NMNAT2: variants seen among roughly 807,000 people sequenced by gnomAD.
NMNAT2 encodes the protein nicotinamide nucleotide adenylyltransferase 2.
A neutral mutation model predicts 41.6 loss-of-function variants in NMNAT2; 11 were observed. The ratio of observed to expected loss-of-function variants is 0.26; its 90% CI spans 0.17 to 0.44. The LOEUF is 0.44. Ranked by LOEUF, NMNAT2 falls within the 20% of genes least tolerant of loss-of-function variation. NMNAT2 has a pLI of 1.00. For synonymous variants in NMNAT2, 148 were observed against 151.2 expected (o/e 0.98, Z 0.16); for missense variants, 288 against 407.7 (o/e 0.71, Z 2.53).
intron 1 of NMNAT2, among the ~76,000 whole-genome samples, chr1:183,352,644 C>T (rs938203394): frequency 1.5e-4 from 23 of 149,782 alleles, no homozygotes; most frequent in African/African-American, 5.7e-4. Context: ...TTATAAAATG[C>T]AAATATGGAC....
At chr1:183,376,371 A>T (rs979640854) in intron 1 of NMNAT2, among the ~76,000 whole-genome samples, 12 of 152,236 alleles carry the variant, frequency 7.9e-5, no homozygotes, top group Non-Finnish European at 1.8e-4. Flanking sequence ...CAGGCTCTAC[A>T]GCAATGGCTC....
Position 183,327,695 on chromosome 1 carries a change from A to C in NMNAT2, c.86-33902T>G, listed in dbSNP as rs1270746427. 2.6e-5 allele frequency among the ~76,000 whole-genome samples: 4 copies of C among 152,210 alleles called. No individual in the cohort carries two copies. In the East Asian group the frequency reaches 7.7e-4, roughly 29 times the overall value. ...CAGCACTGAGTTCTCTGTACTCACA[A>C]ACTAGGCAATTTCTCAGTGCCACAA... On this transcript the variant is annotated intron_variant, in intron 1 of 10. Transcript: ENST00000287713.
At chr1:183,327,817 A>G (rs771306670) in intron 1 of NMNAT2, among the ~76,000 whole-genome samples, 5 of 152,002 alleles carry the variant, frequency 3.3e-5, no homozygotes, top group Admixed American at 6.6e-5. Context: ...TTGTGTGTGT[A>G]TGTGTGTTTT....
chr1:183,341,696 G>C (rs1376635030), intron 1 of NMNAT2, among the ~76,000 whole-genome samples: 49 of 51,820 alleles, frequency 9.5e-4, no homozygotes, highest in African/African-American at 3.5e-3. Flanking sequence ...AAGAGAGAGA[G>C]AGAGAGGAAA....
At chr1:183,403,195 A>G (rs1648863014) in intron 1 of NMNAT2, among the ~76,000 whole-genome samples, 2 of 152,136 alleles carry the variant, frequency 1.3e-5, no homozygotes, top group African/African-American at 4.8e-5. Context: ...TGGCCTCCCA[A>G]AGTGCTAGGA....
At chr1:183,336,978 A>G (rs539019987) in intron 1 of NMNAT2, among the ~76,000 whole-genome samples, 34 of 152,338 alleles carry the variant, frequency 2.2e-4, no homozygotes, top group South Asian at 8.3e-4. Flanking sequence ...TCATTAAACT[A>G]AAGGTCAAGA....
intron 1 of NMNAT2, among the ~76,000 whole-genome samples, chr1:183,335,230 C>T (rs1662659295): frequency 6.6e-6 from 1 of 152,216 alleles, no homozygotes; most frequent in Admixed American, 6.5e-5. Context: ...GATCCCGTCT[C>T]TGTTAACAGC....
chr1:183,343,241 C>T (rs1205348230), intron 1 of NMNAT2, among the ~76,000 whole-genome samples: 1 of 152,132 alleles, frequency 6.6e-6, no homozygotes, highest in Non-Finnish European at 1.5e-5. Flanking sequence ...AAATAGATAT[C>T]CCTCTTCTCC....
At chr1:183,324,303 A>G (rs1249986012) in intron 1 of NMNAT2, among the ~76,000 whole-genome samples, 1 of 152,252 alleles carries the variant, frequency 6.6e-6, no homozygotes, top group Non-Finnish European at 1.5e-5. Flanking sequence ...AGTATTCAAA[A>G]GAGACCGTGA....
intron 3 of NMNAT2, 112 bp from the exon 4 acceptor site, chr1:183,290,318 C>T (rs898674370): frequency 3.8e-5 from 29 of 770,850 alleles, no homozygotes; most frequent in Admixed American, 2.6e-4. Flanking sequence ...CCATACCATG[C>T]GCTTAGATCT....
chr1:183,402,576 C>T (rs1012820715), intron 1 of NMNAT2, among the ~76,000 whole-genome samples: 2 of 152,172 alleles, frequency 1.3e-5, no homozygotes, highest in Admixed American at 6.5e-5. Context: ...AAACTAGATT[C>T]TGACCCATTT....
intron 1 of NMNAT2, among the ~76,000 whole-genome samples, chr1:183,376,013 T>A (rs1663671278): frequency 6.6e-6 from 1 of 151,960 alleles, no homozygotes; most frequent in Non-Finnish European, 1.5e-5. Flanking sequence ...TCACTAATGC[T>A]ATTAAGATGA....
chr1:183,323,959 A>G (rs1163627088), intron 1 of NMNAT2, among the ~76,000 whole-genome samples: 1 of 152,216 alleles, frequency 6.6e-6, no homozygotes, highest in Non-Finnish European at 1.5e-5. Flanking sequence ...AGGTTTAAGA[A>G]TGAGCCAAAG....
chr1:183,397,923 A>G (rs1389973998), intron 1 of NMNAT2, among the ~76,000 whole-genome samples: 1 of 152,234 alleles, frequency 6.6e-6, no homozygotes, highest in African/African-American at 2.4e-5. Flanking sequence ...CTAAACATGG[A>G]AAGGAACAAC....
At chr1:183,308,460 A>G (rs528909799) in intron 1 of NMNAT2, among the ~76,000 whole-genome samples, 1 of 152,350 alleles carries the variant, frequency 6.6e-6, no homozygotes, top group East Asian at 1.9e-4. Context: ...CCAGGAATCC[A>G]TACTACAGAA....
At chr1:183,309,496 T>A (rs1241538625) in intron 1 of NMNAT2, among the ~76,000 whole-genome samples, 7 of 152,210 alleles carry the variant, frequency 4.6e-5, no homozygotes, top group Admixed American at 4.6e-4. Flanking sequence ...GATACGATAC[T>A]TGGCACGTTA....
intron 1 of NMNAT2, among the ~76,000 whole-genome samples, chr1:183,398,266 C>G (rs1648712021): frequency 6.6e-6 from 1 of 152,082 alleles, no homozygotes; most frequent in South Asian, 2.1e-4. Flanking sequence ...CAATCCTAGT[C>G]TCTGATAAAA....
At chr1:183,254,342 G>A (rs1205238119) in intron 10 of NMNAT2, among the ~76,000 whole-genome samples, 5 of 152,188 alleles carry the variant, frequency 3.3e-5, no homozygotes, top group Non-Finnish European at 7.4e-5. Context: ...GATTAGTAAT[G>A]TTGCGCATCT....
chr1:183,284,864 G>A, intron 5 of NMNAT2, 74 bp from the exon 6 acceptor site: 4 of 1,224,968 alleles, frequency 3.3e-6, no homozygotes, highest in Non-Finnish European at 4.8e-6. Flanking sequence ...TGTCGGCCCG[G>A]CATTGGGGCC....
Sources: gnomAD v4.1 joint callset for allele counts (sites outside exome capture counted in the v4.1 genomes callset) on GRCh38, gnomAD v4.1.1 for gene constraint, MANE v1.5 for transcripts, NCBI Gene and HGNC (gene_info 2026-07-23, HGNC 2026-07-21) for gene names.